AFF3: variants seen among roughly 807,000 people sequenced by gnomAD.
AFF3 encodes AF4/FMR2 family member 3.
In AFF3, 32 loss-of-function variants were observed where a neutral mutation model predicts 129.7. The ratio of observed to expected loss-of-function variants is 0.25; its 90% CI spans 0.19 to 0.33. The LOEUF is 0.33. Ranked by LOEUF, AFF3 falls within the 10% of genes least tolerant of loss-of-function variation. The pLI is 1.00. For missense variants in AFF3, 1,373 were observed against 1,592.0 expected (o/e 0.86, Z 2.34); for synonymous variants, 644 against 635.4 (o/e 1.01, Z -0.20).
intron 7 of AFF3, among the ~76,000 whole-genome samples, chr2:99,875,705 T>C (rs575624490): frequency 2.0e-5 from 3 of 152,108 alleles, no homozygotes; most frequent in Non-Finnish European, 2.9e-5. Flanking sequence ...GTGGATAAAT[T>C]AGAGAAAGTT....
intron 13 of AFF3, among the ~76,000 whole-genome samples, chr2:99,634,596 A>G (rs2105426184): frequency 1.3e-5 from 2 of 152,326 alleles, no homozygotes; most frequent in East Asian, 3.9e-4. Flanking sequence ...TCATTTTCAA[A>G]TGCTAGTGAA....
intron 8 of AFF3, among the ~76,000 whole-genome samples, chr2:99,831,797 G>T (rs10189054): frequency 6.6e-6 from 1 of 152,194 alleles, no homozygotes; most frequent in Non-Finnish European, 1.5e-5. Flanking sequence ...TACGAGGCCA[G>T]TAAGGTTGTT....
intron 11 of AFF3, among the ~76,000 whole-genome samples, chr2:99,722,249 A>G (rs1378572325): frequency 6.6e-6 from 1 of 152,176 alleles, no homozygotes; most frequent in Non-Finnish European, 1.5e-5. Flanking sequence ...GATCTATTAC[A>G]GTGGCTATTT....
intron 2 of AFF3, chr2:100,107,496 T>G: frequency 1.0e-6 from 1 of 985,268 alleles, no homozygotes; most frequent in Admixed American, 6.1e-5. Context: ...AATAAAAATG[T>G]TAGAGTGATG....
At chr2:99,991,894 T>C (rs1680373958) in intron 7 of AFF3, among the ~76,000 whole-genome samples, 1 of 151,274 alleles carries the variant, frequency 6.6e-6, no homozygotes, top group Admixed American at 6.6e-5. Context: ...CAGAGCAAGA[T>C]TTTGTCTCAA....
intron 13 of AFF3, among the ~76,000 whole-genome samples, chr2:99,635,234 G>GAT (rs1208172147): frequency 6.6e-6 from 1 of 150,378 alleles, no homozygotes; most frequent in Non-Finnish European, 1.5e-5. Context: ...CTATGTATAT[G>GAT]ATATATATAC....
intron 4 of AFF3, among the ~76,000 whole-genome samples, chr2:100,015,803 G>A (rs529524376): frequency 2.0e-5 from 3 of 152,192 alleles, no homozygotes; most frequent in Non-Finnish European, 4.4e-5. Context: ...CTCCCAACTG[G>A]AGTCTTTTGA....
At position 99,837,525 on chromosome 2, in the gene AFF3, C is replaced by T; in HGVS notation, c.874-1G>A. 3 of 1,613,256 alleles carry T rather than the reference C, an allele frequency of 1.9e-6. No homozygotes were observed. The highest frequency in any genetic ancestry group is 1.7e-6 in the Non-Finnish European group (2 of 1,179,718). On this transcript the variant is annotated splice_acceptor_variant, in intron 7 of 24. Coordinates refer to ENST00000672756, the MANE Select transcript of AFF3 (RefSeq NM_001386135.1). LOFTEE classifies it high-confidence loss of function. ...TGTTGGTTTCTCCAGATCTACTCTC[C>T]TGAAAGCAAAGAAAAAAAAATTAAG...
At chr2:99,982,096 G>A (rs1247035180) in intron 7 of AFF3, among the ~76,000 whole-genome samples, 6 of 152,278 alleles carry the variant, frequency 3.9e-5, no homozygotes, top group African/African-American at 1.4e-4. Context: ...AAGCGAAGGT[G>A]GGTGGGACCA....
chr2:99,549,901 C>T lies in AFF3; in HGVS notation c.*1573G>A, dbSNP rs1046132150. On this transcript the variant is annotated 3_prime_UTR_variant, in exon 25 of 25. Transcript: ENST00000672756. ...AGCATCTAGTCTAAGTATTTTGTGC[C>T]GTCATCACCTTGAAAAAATGGATTG... is the stretch of plus-strand genomic sequence containing the variant. The T allele has an allele frequency of 1.8e-5, 4 of 223,572 alleles. No homozygotes were observed. The East Asian group carries it at 1.9e-4, about 11-fold the overall frequency. 13.8% of individuals were successfully genotyped at this position (223,572 alleles called of 1,614,324 possible).
chr2:99,678,725 T>C (rs1674245941), intron 11 of AFF3, among the ~76,000 whole-genome samples: 1 of 152,250 alleles, frequency 6.6e-6, no homozygotes, highest in Admixed American at 6.5e-5. Context: ...CCATTAAACA[T>C]ATTCATATAT....
chr2:100,134,235 C>T lies in AFF3; in HGVS notation c.-227-4929G>A, dbSNP rs115070263. Reference sequence around the variant, plus strand: ...AGGAAAGTTTGTACCAACATGAATTCATATAAGCCTTGTATAAAAATATGC... The same window carrying T: ...AGGAAAGTTTGTACCAACATGAATTTATATAAGCCTTGTATAAAAATATGC... On this transcript the variant is annotated intron_variant, in intron 1 of 24. Transcript: ENST00000672756. 5.2e-3 allele frequency among the ~76,000 whole-genome samples: 785 copies of T among 152,254 alleles called. 7 individuals are homozygous for T. The highest frequency in any genetic ancestry group is 0.018 in the African/African-American group (756 of 41,542).
At chr2:99,756,208 C>T (rs1375314079) in intron 8 of AFF3, among the ~76,000 whole-genome samples, 3 of 152,218 alleles carry the variant, frequency 2.0e-5, no homozygotes, top group Non-Finnish European at 4.4e-5. Context: ...TCCCTACCTT[C>T]ATGTCTTTCT....
chr2:99,758,784 A>G (rs750426879), intron 8 of AFF3, among the ~76,000 whole-genome samples: 2 of 152,124 alleles, frequency 1.3e-5, no homozygotes, highest in Non-Finnish European at 2.9e-5. Flanking sequence ...TTAAAGCTCA[A>G]AAAGATTAAC....
At chr2:99,959,637 C>T (rs948008247) in intron 7 of AFF3, among the ~76,000 whole-genome samples, 5 of 150,568 alleles carry the variant, frequency 3.3e-5, no homozygotes, top group African/African-American at 1.2e-4. Context: ...ATTGCAAGCG[C>T]TCACAGATTG....
At chr2:99,954,658 C>T (rs949810412) in intron 7 of AFF3, among the ~76,000 whole-genome samples, 6 of 150,356 alleles carry the variant, frequency 4.0e-5, no homozygotes, top group Admixed American at 1.3e-4. Flanking sequence ...AGTAAACTAT[C>T]GCAAGAACAA....
Position 99,696,927 on chromosome 2 carries a change from T to C in AFF3, c.1092-24338A>G, listed in dbSNP as rs1187687069. 2.0e-5 allele frequency among the ~76,000 whole-genome samples: 3 copies of C among 152,226 alleles called. 1 individual carries two copies. The highest frequency in any genetic ancestry group is 4.4e-5 in the Non-Finnish European group (3 of 68,044). On this transcript the variant is annotated intron_variant, in intron 11 of 24. Coordinates refer to ENST00000672756, the MANE Select transcript of AFF3 (RefSeq NM_001386135.1). ...TCCCAAAGCACTGAGGTTACAGATG[T>C]GAACCAGCATGCCTGGCCTGATGAA...
chr2:100,111,260 G>GCCGTGTATAGTCA (rs1454646370), intron 2 of AFF3, among the ~76,000 whole-genome samples: 2 of 152,246 alleles, frequency 1.3e-5, no homozygotes, highest in Non-Finnish European at 2.9e-5. Context: ...CCCGCACATT[G>GCCGTGTATAGTCA]CCGTGTATAG....
At chr2:99,746,892 A>G (rs1364839721) in intron 9 of AFF3, among the ~76,000 whole-genome samples, 1 of 151,978 alleles carries the variant, frequency 6.6e-6, no homozygotes, top group African/African-American at 2.4e-5. Flanking sequence ...GGGAGGGGAA[A>G]TACACACCAT....
Sources: gnomAD v4.1 joint callset for allele counts (sites outside exome capture counted in the v4.1 genomes callset) on GRCh38, gnomAD v4.1.1 for gene constraint, MANE v1.5 for transcripts, NCBI Gene and HGNC (gene_info 2026-07-23, HGNC 2026-07-21) for gene names.